Variants in CADPS observed in about 807,000 individuals in gnomAD.
The protein encoded by CADPS is calcium-dependent secretion activator 1.
In CADPS, 57 loss-of-function variants were observed where a neutral mutation model predicts 167.3. The ratio of observed to expected loss-of-function variants is 0.34; its 90% CI spans 0.28 to 0.42. The LOEUF (loss-of-function observed/expected upper bound fraction) is 0.42. CADPS is among the 20% of genes least tolerant of loss of function. The pLI, the probability that CADPS is intolerant of heterozygous loss-of-function variation, is 1.00. For synonymous variants in CADPS, 676 were observed against 635.3 expected, an observed-to-expected ratio of 1.06 and a Z score of -0.96; for missense variants, 1,414 against 1,738.1, an observed-to-expected ratio of 0.81 and a Z score of 3.32.
intron 3 of CADPS, among the ~76,000 whole-genome samples, chr3:62,702,681 G>A (rs944027637): frequency 5.3e-5 from 8 of 152,080 alleles, no homozygotes; most frequent in Admixed American, 4.6e-4. Context: ...TGGTAGACAT[G>A]TTTTATCTGC....
At chr3:62,838,273 A>T (rs2076179845) in intron 1 of CADPS, among the ~76,000 whole-genome samples, 3 of 152,204 alleles carry the variant, frequency 2.0e-5, no homozygotes. Context: ...CTGATTTGAC[A>T]GGTGGGCTAC....
intron 1 of CADPS, among the ~76,000 whole-genome samples, chr3:62,823,436 TTAATTA>T (rs530143543): frequency 6.6e-6 from 1 of 152,332 alleles, no homozygotes; most frequent in African/African-American, 2.4e-5. Flanking sequence ...AATGGTTACT[TTAATTA>T]TATTTTCCCT....
At position 62,544,670 on chromosome 3, in the gene CADPS, G is replaced by A. The variant is rs2076191343; in HGVS notation, c.1966+5233C>T. Among the ~76,000 whole-genome samples, 2 of 152,142 alleles carry A rather than the reference G, an allele frequency of 1.3e-5. No individual in the cohort carries two copies. Among genetic ancestry groups the A allele is most frequent in the Admixed American group, 1.3e-4 (2 of 15,262 alleles). On this transcript the variant is annotated intron_variant, in intron 11 of 29. Transcript: ENST00000383710. The surrounding 1 kb of genome is among the most constrained non-coding windows in gnomAD (Gnocchi z 4.4). ...GGAGGCAATTATGCACACATCACAT[G>A]CATCCTAGTTTCAGTATGGAAGCTT...
intron 10 of CADPS, among the ~76,000 whole-genome samples, chr3:62,554,806 G>A (rs2077850794): frequency 6.6e-6 from 1 of 152,142 alleles, no homozygotes; most frequent in African/African-American, 2.4e-5. Flanking sequence ...AGGCTGGAGT[G>A]CAGTGGCGCA....
intron 3 of CADPS, among the ~76,000 whole-genome samples, chr3:62,677,831 G>T (rs1341212790): frequency 6.6e-6 from 1 of 152,054 alleles, no homozygotes; most frequent in Non-Finnish European, 1.5e-5. Flanking sequence ...ATAAGAATGA[G>T]AATTTTGACA....
rs117498701 is a variant in CADPS at position 62,769,124 on chromosome 3, T to C, written c.442-3140A>G. Among the ~76,000 whole-genome samples, 131 of 152,204 alleles carry C rather than the reference T, an allele frequency of 8.6e-4. 3 individuals carry two copies. The East Asian group carries it at 0.018, about 21-fold the overall frequency. The stretch of plus-strand genomic sequence containing the variant: ...TAAAATGGGGCCAATACTGACCTCA[T>C]AGGGTTGTTGTGAGGATTAAGATAA... On this transcript the variant is annotated intron_variant, in intron 1 of 29. Coordinates refer to ENST00000383710, the MANE Select transcript of CADPS (RefSeq NM_003716.4).
At chr3:62,725,174 T>G (rs985827647) in intron 3 of CADPS, among the ~76,000 whole-genome samples, 2 of 91,950 alleles carry the variant, frequency 2.2e-5, no homozygotes, top group African/African-American at 9.8e-5. Context: ...ATCTAAAATC[T>G]AGTAGAACTG....
chr3:62,867,977 A>T (rs1445246304), intron 1 of CADPS, among the ~76,000 whole-genome samples: 1 of 152,066 alleles, frequency 6.6e-6, no homozygotes, highest in Non-Finnish European at 1.5e-5. Flanking sequence ...CTAATTTCAC[A>T]GTGTATACCC....
intron 10 of CADPS, among the ~76,000 whole-genome samples, chr3:62,554,839 G>T (rs573493697): frequency 6.6e-6 from 1 of 152,130 alleles, no homozygotes; most frequent in African/African-American, 2.4e-5. Context: ...TGCAACCTCT[G>T]CCTCCCAGGT....
chr3:62,828,968 T>C (rs531876642), intron 1 of CADPS, among the ~76,000 whole-genome samples: 33 of 152,296 alleles, frequency 2.2e-4, no homozygotes, highest in African/African-American at 6.5e-4. Flanking sequence ...ACTCTTACCT[T>C]ACATGGGTAG....
intron 5 of CADPS, among the ~76,000 whole-genome samples, chr3:62,649,254 C>T (rs2069388399): frequency 6.6e-6 from 1 of 152,082 alleles, no homozygotes; most frequent in African/African-American, 2.4e-5. Flanking sequence ...TTAAAGTATA[C>T]AGTCCAGGGC....
chr3:62,840,865 T>C (rs1482024957), intron 1 of CADPS, among the ~76,000 whole-genome samples: 1 of 152,198 alleles, frequency 6.6e-6, no homozygotes, highest in Non-Finnish European at 1.5e-5. Flanking sequence ...TACAGATTCT[T>C]GTTTGCATAT....
In CADPS at chr3:62,753,360, A is replaced by G. The variant is rs1334244624; in HGVS notation, c.888+81T>C. 1.9e-5 allele frequency: 20 copies of G among 1,080,246 alleles called. 1 individual carries two copies. The highest frequency in any genetic ancestry group is 2.5e-4 in the Middle Eastern group (1 of 3,952). 66.9% of individuals were successfully genotyped at this position (1,080,246 alleles called of 1,614,324 possible). On this transcript the variant is annotated intron_variant, in intron 3 of 29. Coordinates refer to ENST00000383710, the MANE Select transcript of CADPS (RefSeq NM_003716.4). The surrounding 1 kb of genome is among the most constrained non-coding windows in gnomAD (Gnocchi z 4.6). ...ATATAAGTTTTAATCCTTTTTTTAA[A>G]AAAATCAAGAAGTATCTCATAGAAG...
chr3:62,780,784 C>T (rs2091418816), intron 1 of CADPS, among the ~76,000 whole-genome samples: 1 of 152,118 alleles, frequency 6.6e-6, no homozygotes, highest in South Asian at 2.1e-4. Flanking sequence ...TCATTTATTG[C>T]TCTTTGAACC....
intron 3 of CADPS, among the ~76,000 whole-genome samples, chr3:62,692,614 T>A (rs746419885): frequency 7.2e-5 from 11 of 152,052 alleles, no homozygotes; most frequent in Admixed American, 1.3e-4. Context: ...TAGCCATATT[T>A]TAGAAAGATG....
chr3:62,588,364 T>C (rs2085145218), intron 7 of CADPS, among the ~76,000 whole-genome samples: 1 of 151,920 alleles, frequency 6.6e-6, no homozygotes, highest in African/African-American at 2.4e-5. Context: ...TTTATGTCTG[T>C]GTCCCTTATG....
intron 3 of CADPS, among the ~76,000 whole-genome samples, chr3:62,740,713 A>G (rs2080033401): frequency 6.6e-6 from 1 of 152,118 alleles, no homozygotes; most frequent in South Asian, 2.1e-4. Context: ...TACTACCCCT[A>G]TCACCATGCC....
chr3:62,609,247 TC>T (rs1332173261), intron 6 of CADPS, among the ~76,000 whole-genome samples: 1 of 152,208 alleles, frequency 6.6e-6, no homozygotes, highest in East Asian at 1.9e-4. Context: ...TTGTGACACT[TC>T]CAGCCTGCCT....
chr3:62,686,883 T>A (rs532395700), intron 3 of CADPS, among the ~76,000 whole-genome samples: 121 of 152,236 alleles, frequency 7.9e-4, no homozygotes, highest in Non-Finnish European at 1.3e-4. Flanking sequence ...TTTTAAGCCA[T>A]CAGGGACTAG....
Sources: gnomAD v4.1 joint callset for allele counts (sites outside exome capture counted in the v4.1 genomes callset) on GRCh38, gnomAD v4.1.1 for gene constraint, Gnocchi (gnomAD v3.1) non-coding constraint, MANE v1.5 for transcripts, NCBI Gene and HGNC (gene_info 2026-07-23, HGNC 2026-07-21) for gene names.